The following DYNC1H1 variants were observed in gnomAD, a reference collection of about 807,000 sequenced individuals.
DYNC1H1 encodes the protein dynein cytoplasmic 1 heavy chain 1, also known as cytoplasmic dynein 1 heavy chain 1.
DYNC1H1 carries 51 observed loss-of-function variants against 527.1 expected under a neutral mutation model. That is an observed-to-expected ratio of 0.10 (90% CI 0.08 to 0.12). The LOEUF is 0.12. DYNC1H1 is among the 10% of genes least tolerant of loss of function. DYNC1H1 has a pLI of 1.00. For missense variants in DYNC1H1, 2,771 were observed against 5,971.8 expected (o/e 0.46, Z 17.66); for synonymous variants, 2,189 against 2,278.8 (o/e 0.96, Z 1.12).
chr14:101,980,794 G>A (rs2047854402), intron 5 of DYNC1H1, among the ~76,000 whole-genome samples: 1 of 152,168 alleles, frequency 6.6e-6, no homozygotes, highest in African/African-American at 2.4e-5. Context: ...CTAGGTATGA[G>A]CACAGATTCC....
In DYNC1H1 at chr14:102,029,619, T is replaced by C. The variant is rs2152590135; in HGVS notation, c.9549T>C (p.Tyr3183=). ...ACTACCTGGACTTCATCAATCACTA[T>C]GCCAACCTGTTCCACGAGAAGCGGA... The part of the protein sequence containing the change: ...PRHYLDFINH[Y]ANLFHEKRSE... The change falls in exon 49 of 78, where the codon TAT becomes TAC. Residue 3183 remains tyrosine, a synonymous_variant. Transcript: ENST00000360184. The surrounding 1 kb of genome is among the most constrained non-coding windows in gnomAD (Gnocchi z 5.3). 1.2e-6 allele frequency: 2 copies of C among 1,614,234 alleles called. No individual in the cohort carries two copies. Among genetic ancestry groups the C allele is most frequent in the Non-Finnish European group, 1.7e-6 (2 of 1,180,052 alleles).
chr14:101,966,023 A>G (rs1347410757), intron 1 of DYNC1H1, among the ~76,000 whole-genome samples: 1 of 152,156 alleles, frequency 6.6e-6, no homozygotes, highest in African/African-American at 2.4e-5. Context: ...TGGCGTGTCC[A>G]TCTAAGAACC....
rs945475096 is a variant in DYNC1H1 at position 102,015,023 on chromosome 14, T to C, written c.7015-82T>C. 2 of 1,496,146 alleles carry C rather than the reference T, an allele frequency of 1.3e-6. No individual in the cohort carries two copies. The highest frequency in any genetic ancestry group is 2.3e-5 in the East Asian group (1 of 44,210). The allele number at this position is 1,496,146 out of a possible 1,614,324, so 92.7% of individuals were successfully genotyped here. A position where few individuals can be genotyped will look rare whatever the true frequency, so the allele number is the denominator to read the frequency against. ...ATTAAGTTTAAAGTCACCCTTTCAGTGTATATATAGGTAAAAGAATCTTAA... is the reference window on the plus strand; with the variant it reads ...ATTAAGTTTAAAGTCACCCTTTCAGCGTATATATAGGTAAAAGAATCTTAA... On this transcript the variant is annotated intron_variant, in intron 34 of 77. Transcript: ENST00000360184. The surrounding 1 kb of genome is among the most constrained non-coding windows in gnomAD (Gnocchi z 6.9).
At chr14:102,008,446 G>T in intron 29 of DYNC1H1, 109 bp downstream of exon 29, 1 of 1,434,504 alleles carries the variant, frequency 7.0e-7, no homozygotes, top group South Asian at 1.2e-5. Flanking sequence ...TAGCTCACAG[G>T]AGCTCACTGT....
rs144315833 is a variant in DYNC1H1 at position 101,984,596 on chromosome 14, G to A, written c.1461+987G>A. On this transcript the variant is annotated intron_variant, in intron 7 of 77. Transcript: ENST00000360184. ...CCTCCGAGTAGCCGGAATTACAGGCGCCAGCCACCACACCCAGCTAATTTT... is the reference window on the plus strand; with the variant it reads ...CCTCCGAGTAGCCGGAATTACAGGCACCAGCCACCACACCCAGCTAATTTT... Among the ~76,000 whole-genome samples the A allele has an allele frequency of 5.5e-3, 827 of 149,582 alleles. 17 individuals carry two copies. The highest frequency in any genetic ancestry group is 0.036 in the East Asian group (177 of 4,900).
At position 102,036,828 on chromosome 14, in the gene DYNC1H1, G is replaced by A. The variant is rs534296010; in HGVS notation, c.10908+186G>A. On this transcript the variant is annotated intron_variant, in intron 57 of 77. Transcript: ENST00000360184. This position sits in a 1 kb window ranked among gnomAD's most constrained non-coding sequence, Gnocchi z 5.6. Reference sequence around the variant, plus strand: ...GCATTTAAAATTCTATTCAGTGGTCGGGCGAGGTGGCTCACACCTGTAATC... The same window carrying A: ...GCATTTAAAATTCTATTCAGTGGTCAGGCGAGGTGGCTCACACCTGTAATC... The A allele has an allele frequency of 6.1e-5, 48 of 785,000 alleles. No homozygotes were observed. The highest frequency in any genetic ancestry group is 1.4e-4 in the African/African-American group (8 of 57,652). The allele number at this position is 785,000 out of a possible 1,614,324, so 48.6% of individuals were successfully genotyped here.
In DYNC1H1 at chr14:101,983,639, T is replaced by C. The variant is rs772868853; in HGVS notation, c.1461+30T>C. 2.5e-6 allele frequency: 4 copies of C among 1,593,774 alleles called. No homozygotes were observed. Among genetic ancestry groups the C allele is most frequent in the South Asian group, 1.1e-5 (1 of 88,920 alleles). ...GATTTGCATTCTAAAAGTTTGTGTT[T>C]TGTTTTTGTTTTTGTTTTGTTTTTT... On this transcript the variant is annotated intron_variant, in intron 7 of 77. Transcript: ENST00000360184. This position sits in a 1 kb window ranked among gnomAD's most constrained non-coding sequence, Gnocchi z 5.3.
chr14:102,047,568 T>C (rs982119778), intron 72 of DYNC1H1: 1 of 294,232 alleles, frequency 3.4e-6, no homozygotes, highest in Non-Finnish European at 6.3e-6. Context: ...CACACACATA[T>C]ATATATACAT....
chr14:102,012,280 A>T lies in DYNC1H1; in HGVS notation c.6858-34A>T. The T allele has an allele frequency of 6.2e-7, 1 of 1,614,210 alleles. No individual in the cohort carries two copies. The highest frequency in any genetic ancestry group is 8.5e-7 in the Non-Finnish European group (1 of 1,180,034). ...ATGCCTAATGTTAAAATCTTGATTTAATCAGCAGCTATTTTAAAATCCTTC... is the reference window on the plus strand; with the variant it reads ...ATGCCTAATGTTAAAATCTTGATTTTATCAGCAGCTATTTTAAAATCCTTC... On this transcript the variant is annotated intron_variant, in intron 33 of 77. Transcript: ENST00000360184. This position sits in a 1 kb window ranked among gnomAD's most constrained non-coding sequence, Gnocchi z 4.9.
chr14:101,978,078 G>C (rs186434439), intron 2 of DYNC1H1, among the ~76,000 whole-genome samples: 10 of 152,142 alleles, frequency 6.6e-5, no homozygotes, highest in Admixed American at 4.6e-4. Context: ...TTCTTGAGAC[G>C]AAGTCTCGCT....
intron 41 of DYNC1H1, among the ~76,000 whole-genome samples, chr14:102,019,489 T>C (rs1474918796): frequency 2.0e-5 from 3 of 152,246 alleles, no homozygotes; most frequent in Non-Finnish European, 4.4e-5. Context: ...CAGAAGGATT[T>C]TTTGTAGTTT....
chr14:102,015,842 C>T lies in DYNC1H1; in HGVS notation c.7243-14C>T. 6.2e-7 allele frequency: 1 copy of T among 1,613,742 alleles called. No individual in the cohort carries two copies. Among genetic ancestry groups the T allele is most frequent in the South Asian group, 1.1e-5 (1 of 91,004 alleles). On this transcript the variant is annotated splice_polypyrimidine_tract_variant and intron_variant, in intron 35 of 77. Transcript: ENST00000360184. The surrounding 1 kb of genome is among the most constrained non-coding windows in gnomAD (Gnocchi z 6.9). ...TTTGAAAGATAGTTAAGTATCACTC[C>T]TTCCACTTTCTAGATCCAAAGAGAT... is the stretch of plus-strand genomic sequence containing the variant.
At chr14:102,045,610 C>CA (rs1047901876) in intron 72 of DYNC1H1, among the ~76,000 whole-genome samples, 29 of 150,222 alleles carry the variant, frequency 1.9e-4, no homozygotes, top group African/African-American at 7.1e-4. Context: ...GATTCTGTCT[C>CA]AAAAAAGAAA....
Position 102,039,714 on chromosome 14 carries a change from A to G in DYNC1H1, c.11672A>G (p.Lys3891Arg). 6.2e-7 allele frequency: 1 copy of G among 1,614,244 alleles called. No homozygotes were observed. Among genetic ancestry groups the G allele is most frequent in the South Asian group, 1.1e-5 (1 of 91,082 alleles). ...ITFAMLLARI[K>R]LKGTVGEPTY... ...TTTGCCATGCTGCTGGCAAGAATCA[A>G]ACTGAAGGGCACCGTGGGGTAAGAG... Residue 3891 changes from lysine (K) to arginine (R), a missense_variant, in exon 62 of 78, where the codon AAA becomes AGA. Lys to Arg is a conservative substitution (Grantham distance 26). Transcript: ENST00000360184. This position sits in a 1 kb window ranked among gnomAD's most constrained non-coding sequence, Gnocchi z 7.0.
intron 27 of DYNC1H1, 122 bp from the exon 28 acceptor site, chr14:102,006,886 C>T: frequency 9.5e-7 from 1 of 1,050,258 alleles, no homozygotes; most frequent in South Asian, 1.3e-5. Context: ...AGGCATGAGC[C>T]ACCCTACCTG....
intron 15 of DYNC1H1, among the ~76,000 whole-genome samples, chr14:101,996,609 C>G (rs1306501903): frequency 6.6e-6 from 1 of 152,038 alleles, no homozygotes; most frequent in Non-Finnish European, 1.5e-5. Flanking sequence ...GAGAAGAGCA[C>G]ATGTGTTGAT....
rs775068339 is a variant in DYNC1H1 at position 102,044,733 on chromosome 14, G to C, written c.13006+35G>C. On this transcript the variant is annotated intron_variant, in intron 72 of 77. Transcript: ENST00000360184. This position sits in a 1 kb window ranked among gnomAD's most constrained non-coding sequence, Gnocchi z 7.1. ...AAGGATCCTCCCCACACGCAGGGTGGGTGGCGAGGGTCCCCTCACGCGGGG... is the reference window on the plus strand; with the variant it reads ...AAGGATCCTCCCCACACGCAGGGTGCGTGGCGAGGGTCCCCTCACGCGGGG... 1 of 1,398,628 alleles carries C rather than the reference G, an allele frequency of 7.1e-7. No individual in the cohort carries two copies. The highest frequency in any genetic ancestry group is 2.3e-5 in the East Asian group (1 of 44,076). The allele number at this position is 1,398,628 out of a possible 1,614,324, so 86.6% of individuals were successfully genotyped here.
chr14:102,034,800 C>T, intron 56 of DYNC1H1: 1 of 376,888 alleles, frequency 2.7e-6, no homozygotes. Flanking sequence ...GTGGCATGCG[C>T]CTGTAATCCC....
chr14:102,022,973 T>C, intron 43 of DYNC1H1, 93 bp downstream of exon 43: 1 of 1,585,450 alleles, frequency 6.3e-7, no homozygotes, highest in Non-Finnish European at 8.6e-7. Context: ...TACTCAAAAA[T>C]ATCTTTAGGC....
Sources: allele counts gnomAD v4.1 joint callset (sites outside exome capture counted in the v4.1 genomes callset), GRCh38; gene constraint gnomAD v4.1.1; non-coding constraint Gnocchi (gnomAD v3.1); transcripts MANE v1.5; gene names NCBI Gene and HGNC (gene_info 2026-07-23, HGNC 2026-07-21).